BRIP1: variants seen among roughly 807,000 people sequenced by gnomAD.
BRIP1 encodes Fanconi anemia group J protein.
Under a neutral mutation model 119.7 loss-of-function variants are expected in BRIP1, and 88 were observed. The ratio of observed to expected loss-of-function variants is 0.74; its 90% CI spans 0.62 to 0.88. The LOEUF is 0.88. BRIP1 is among the 40% of genes least tolerant of loss of function. The pLI, the probability that BRIP1 is intolerant of heterozygous loss-of-function variation, is 0.00. For synonymous variants in BRIP1, 443 were observed against 496.5 expected (o/e 0.89, Z 1.43); for missense variants, 1,259 against 1,455.4 (o/e 0.87, Z 2.20).
rs1489521155 is a variant in BRIP1, at chr17:61,834,545, T to C, written c.627+12556A>G. Among the ~76,000 whole-genome samples, 1 of 152,200 alleles carries C rather than the reference T, an allele frequency of 6.6e-6. No homozygotes were observed. Among genetic ancestry groups the C allele is most frequent in the Non-Finnish European group, 1.5e-5 (1 of 68,024 alleles). Reference sequence around the variant, plus strand: ...TACTTATCTTTGTATATAAGCTCCCTTTCAAGGTTACTTTGTAGCTCTTCC... The same window carrying C: ...TACTTATCTTTGTATATAAGCTCCCCTTCAAGGTTACTTTGTAGCTCTTCC... On this transcript the variant is annotated intron_variant, in intron 6 of 19. Transcript: ENST00000259008. The surrounding 1 kb of genome is among the most constrained non-coding windows in gnomAD (Gnocchi z 4.4).
In BRIP1 at chr17:61,720,024, T is replaced by C. The variant is rs1330568106; in HGVS notation, c.2380-3961A>G. On this transcript the variant is annotated intron_variant, in intron 16 of 19. Transcript: ENST00000259008. This position sits in a 1 kb window ranked among gnomAD's most constrained non-coding sequence, Gnocchi z 4.3. ...TTTTCTTTTTTAATTTTTATAGAGA[T>C]GGATTCTTGCTATGTTGCCTATGAT... is the stretch of plus-strand genomic sequence containing the variant. Among the ~76,000 whole-genome samples, 1 of 152,078 alleles carries C rather than the reference T, an allele frequency of 6.6e-6. No homozygotes were observed.
Position 61,762,011 on chromosome 17 carries a change from C to T in BRIP1, c.2097+14390G>A, listed in dbSNP as rs182295635. Among the ~76,000 whole-genome samples, 1 of 151,998 alleles carries T rather than the reference C, an allele frequency of 6.6e-6. No individual in the cohort carries two copies. The highest frequency in any genetic ancestry group is 1.9e-4 in the East Asian group (1 of 5,192). The stretch of plus-strand genomic sequence containing the variant: ...TCACACGACCTGATTCCAAACCACA[C>T]TGCAAAGCTATAGTAATTAAAACAG... On this transcript the variant is annotated intron_variant, in intron 14 of 19. Transcript: ENST00000259008. This position sits in a 1 kb window ranked among gnomAD's most constrained non-coding sequence, Gnocchi z 4.3.
chr17:61,787,029 AATAAATTTATATAAATTTAT>A (rs1323358273), intron 10 of BRIP1, among the ~76,000 whole-genome samples: 2 of 116,866 alleles, frequency 1.7e-5, no homozygotes, highest in Non-Finnish European at 1.6e-5. Flanking sequence ...TTTATTTATA[AATAAATTTATATAAATTTAT>A]ATAAATTTAT....
chr17:61,764,428 A>G (rs1445641752), intron 14 of BRIP1, among the ~76,000 whole-genome samples: 6 of 152,120 alleles, frequency 3.9e-5, no homozygotes, highest in Non-Finnish European at 5.9e-5. Flanking sequence ...AAGCATCCCA[A>G]TGTGGTGTCA....
At chr17:61,763,348 A>C (rs2077305550) in intron 14 of BRIP1, among the ~76,000 whole-genome samples, 1 of 152,070 alleles carries the variant, frequency 6.6e-6, no homozygotes, top group South Asian at 2.1e-4. Context: ...GGTATATGAG[A>C]GCTGTCTATA....
chr17:61,790,464 T>G (rs2077798361), intron 10 of BRIP1, among the ~76,000 whole-genome samples: 1 of 151,982 alleles, frequency 6.6e-6, no homozygotes, highest in South Asian at 2.1e-4. Flanking sequence ...GAGAATCACT[T>G]GAACCCAGGA....
At chr17:61,818,526 G>C (rs988032586) in intron 6 of BRIP1, among the ~76,000 whole-genome samples, 8 of 152,238 alleles carry the variant, frequency 5.3e-5, no homozygotes, top group African/African-American at 1.9e-4. Context: ...TCATGGTAAG[G>C]TCATATGAAA....
At chr17:61,784,533 G>T in intron 10 of BRIP1, 109 bp from the exon 11 acceptor site, 5 of 997,810 alleles carry the variant, frequency 5.0e-6, no homozygotes, top group Non-Finnish European at 7.7e-6. Flanking sequence ...AATTTTAGGT[G>T]AACAGAATTG....
rs2145237192 is a variant in BRIP1 at position 61,793,543 on chromosome 17, C to G, written c.1473+54G>C. 1 of 1,539,322 alleles carries G rather than the reference C, an allele frequency of 6.5e-7. No homozygotes were observed. Among genetic ancestry groups the G allele is most frequent in the Non-Finnish European group, 8.9e-7 (1 of 1,126,666 alleles). Reference sequence around the variant, plus strand: ...AGATTTAATCTGGATTTAGTCACGACTAAATCACTTCTAATTCACTAAATA... The same window carrying G: ...AGATTTAATCTGGATTTAGTCACGAGTAAATCACTTCTAATTCACTAAATA... On this transcript the variant is annotated intron_variant, in intron 10 of 19. Transcript: ENST00000259008. The surrounding 1 kb of genome is among the most constrained non-coding windows in gnomAD (Gnocchi z 5.2).
rs1384606499 is a variant in BRIP1, at chr17:61,744,077, A to G, written c.2257+355T>C. Among the ~76,000 whole-genome samples the G allele has an allele frequency of 6.6e-6, 1 of 152,210 alleles. No individual in the cohort carries two copies. Among genetic ancestry groups the G allele is most frequent in the East Asian group, 1.9e-4 (1 of 5,200 alleles). On this transcript the variant is annotated intron_variant, in intron 15 of 19. Transcript: ENST00000259008. The surrounding 1 kb of genome is among the most constrained non-coding windows in gnomAD (Gnocchi z 5.0). The stretch of plus-strand genomic sequence containing the variant: ...TCAAGTTTACCTTATGTAATAGAAT[A>G]CAAGCACCAAGTGTACTAAATGCAT...
chr17:61,728,783 T>C (rs1263493302), intron 16 of BRIP1, among the ~76,000 whole-genome samples: 2 of 152,156 alleles, frequency 1.3e-5, no homozygotes, highest in African/African-American at 4.8e-5. Context: ...ATGAGCAATT[T>C]AGCCCTGACC....
intron 16 of BRIP1, among the ~76,000 whole-genome samples, chr17:61,721,426 C>T (rs528551576): frequency 1.3e-3 from 204 of 151,580 alleles, no homozygotes; most frequent in Non-Finnish European, 2.0e-3. Context: ...TGTGCCACCA[C>T]GCCCAGCTAA....
intron 17 of BRIP1, among the ~76,000 whole-genome samples, chr17:61,696,781 C>T (rs557455112): frequency 2.6e-5 from 4 of 151,040 alleles, no homozygotes; most frequent in African/African-American, 7.3e-5. Flanking sequence ...ATCAGGAGAT[C>T]GATACCATCC....
At position 61,802,777 on chromosome 17, in the gene BRIP1, T is replaced by A. The variant is rs2078015361; in HGVS notation, c.919-1303A>T. Among the ~76,000 whole-genome samples, 1 of 152,198 alleles carries A rather than the reference T, an allele frequency of 6.6e-6. No homozygotes were observed. The highest frequency in any genetic ancestry group is 2.4e-5 in the African/African-American group (1 of 41,462). On this transcript the variant is annotated intron_variant, in intron 7 of 19. Transcript: ENST00000259008. This position sits in a 1 kb window ranked among gnomAD's most constrained non-coding sequence, Gnocchi z 6.0. ...TTATGCTGGTTTCTAAATATTTTCT[T>A]AGTCTATATTTTTAGAAATGGCATT...
rs876659588 is a variant in BRIP1, at chr17:61,861,483, A to G, written c.57T>C (p.Tyr19=). The G allele has an allele frequency of 5.0e-6, 8 of 1,613,456 alleles. No homozygotes were observed. The East Asian group carries it at 1.8e-4, about 36-fold the overall frequency. ...TIGGVKIYFP[Y]KAYPSQLAMM... ...TAGCAAGCTGTGACGGGTAAGCTTTATAAGGAAAGTAAATCTTCACCCCAC... is the reference window on the plus strand; with the variant it reads ...TAGCAAGCTGTGACGGGTAAGCTTTGTAAGGAAAGTAAATCTTCACCCCAC... Residue 19 remains tyrosine, a synonymous_variant, in exon 2 of 20, where the codon TAT becomes TAC. Transcript: ENST00000259008. The surrounding 1 kb of genome is among the most constrained non-coding windows in gnomAD (Gnocchi z 4.5).
chr17:61,692,353 C>T (rs2061459596), intron 18 of BRIP1, among the ~76,000 whole-genome samples: 1 of 152,104 alleles, frequency 6.6e-6, no homozygotes, highest in Non-Finnish European at 1.5e-5. Flanking sequence ...AGTAAATAAT[C>T]AGCAGAGTCA....
Position 61,815,178 on chromosome 17 carries a change from C to T in BRIP1, c.628-6421G>A, listed in dbSNP as rs538308355. Among the ~76,000 whole-genome samples, 1 of 151,352 alleles carries T rather than the reference C, an allele frequency of 6.6e-6. No homozygotes were observed. The highest frequency in any genetic ancestry group is 2.1e-4 in the South Asian group (1 of 4,792). On this transcript the variant is annotated intron_variant, in intron 6 of 19. Transcript: ENST00000259008. This position sits in a 1 kb window ranked among gnomAD's most constrained non-coding sequence, Gnocchi z 4.1. ...TGGTTTCTCCTCAGTTGTTTCATAC[C>T]CAGCAGAATAGCTTTCATCTTAACA...
chr17:61,786,920 TATATATTTATATATA>T (rs1176258867), intron 10 of BRIP1, among the ~76,000 whole-genome samples: 13 of 40,056 alleles, frequency 3.2e-4, no homozygotes, highest in African/African-American at 1.9e-3. Context: ...AATATAAAAA[TATATATTTATATATA>T]ATATATTTAT....
At chr17:61,692,715 A>C (rs1489953512) in intron 18 of BRIP1, among the ~76,000 whole-genome samples, 1 of 152,180 alleles carries the variant, frequency 6.6e-6, no homozygotes, top group Non-Finnish European at 1.5e-5. Flanking sequence ...AAAAGAAGAA[A>C]AAAGGAAATA....
Sources: allele counts gnomAD v4.1 joint callset (sites outside exome capture counted in the v4.1 genomes callset), GRCh38; gene constraint gnomAD v4.1.1; non-coding constraint Gnocchi (gnomAD v3.1); transcripts MANE v1.5; gene names NCBI Gene and HGNC (gene_info 2026-07-23, HGNC 2026-07-21).